FUT8: variants seen among roughly 807,000 people sequenced by gnomAD.
FUT8 encodes the protein fucosyltransferase 8.
Under a neutral mutation model 71.3 loss-of-function variants are expected in FUT8, and 29 were observed. That is an observed-to-expected ratio of 0.41 (90% CI 0.30 to 0.55). The LOEUF (loss-of-function observed/expected upper bound fraction) is 0.55, where lower values mean the gene tolerates loss of function less well. FUT8 is among the 20% of genes least tolerant of loss of function. FUT8 has a pLI of 0.34. For synonymous variants in FUT8, 254 were observed against 239.3 expected (o/e 1.06, Z -0.57); for missense variants, 544 against 702.1 (o/e 0.77, Z 2.55).
chr14:65,525,188 G>C (rs1384297923), intron 2 of FUT8, among the ~76,000 whole-genome samples: 1 of 151,592 alleles, frequency 6.6e-6, no homozygotes, highest in Non-Finnish European at 1.5e-5. Flanking sequence ...GAATCCGTCT[G>C]GTCCTGGACT....
chr14:65,464,258 G>GTTTTTT (rs1566763367), intron 2 of FUT8, among the ~76,000 whole-genome samples: 2 of 80,968 alleles, frequency 2.5e-5, no homozygotes, highest in African/African-American at 8.3e-5. Context: ...CAGTACTTTG[G>GTTTTTT]GTTTTTTTTT....
chr14:65,371,537 A>C, the FUT8 span, among the ~76,000 whole-genome samples: 5 of 152,258 alleles, frequency 3.3e-5, no homozygotes, highest in Non-Finnish European at 5.9e-5. Context: ...CAGTTATTTC[A>C]TAATAAATAA....
At chr14:65,386,698 ATTAAT>A in the FUT8 span, among the ~76,000 whole-genome samples, 1 of 151,482 alleles carries the variant, frequency 6.6e-6, no homozygotes, top group Non-Finnish European at 1.5e-5. Flanking sequence ...GTTTCTATTG[ATTAAT>A]TTATTTTTTT....
At chr14:65,471,838 A>G (rs1408148022) in intron 2 of FUT8, among the ~76,000 whole-genome samples, 2 of 151,768 alleles carry the variant, frequency 1.3e-5, no homozygotes, top group East Asian at 1.9e-4. Flanking sequence ...TTTTTTGACC[A>G]TTTTTGATGC....
intron 2 of FUT8, among the ~76,000 whole-genome samples, chr14:65,481,795 A>G (rs949164303): frequency 3.9e-5 from 6 of 151,954 alleles, no homozygotes; most frequent in African/African-American, 1.2e-4. Context: ...CTGTTCAAAT[A>G]TTTTGGCCAT....
At chr14:65,541,927 A>G (rs1481194512) in intron 2 of FUT8, among the ~76,000 whole-genome samples, 3 of 152,182 alleles carry the variant, frequency 2.0e-5, no homozygotes, top group African/African-American at 7.2e-5. Context: ...GCAATTCTTA[A>G]AGCCAGCATG....
chr14:65,503,803 G>A (rs1443372293), intron 2 of FUT8, among the ~76,000 whole-genome samples: 2 of 152,220 alleles, frequency 1.3e-5, no homozygotes, highest in Non-Finnish European at 2.9e-5. Context: ...TAGCTGGGGT[G>A]AGAGAGTTAA....
intron 1 of FUT8, among the ~76,000 whole-genome samples, chr14:65,443,149 G>A (rs1311127278): frequency 3.3e-5 from 5 of 151,734 alleles, no homozygotes; most frequent in East Asian, 1.9e-4. Flanking sequence ...GGTGGCTCAC[G>A]CCTGTAATCC....
At chr14:65,365,655 G>T in the FUT8 span, among the ~76,000 whole-genome samples, 1 of 152,024 alleles carries the variant, frequency 6.6e-6, no homozygotes, top group African/African-American at 2.4e-5. Context: ...TCCCACCAGC[G>T]CCATGACAGT....
intron 1 of FUT8, among the ~76,000 whole-genome samples, chr14:65,452,849 G>A (rs2065847393): frequency 6.6e-6 from 1 of 152,180 alleles, no homozygotes; most frequent in African/African-American, 2.4e-5. Flanking sequence ...ATTTCTAGAT[G>A]TTCAACTTGG....
At chr14:65,740,170 A>G (rs1418481065) in intron 10 of FUT8, among the ~76,000 whole-genome samples, 1 of 152,010 alleles carries the variant, frequency 6.6e-6, no homozygotes, top group Non-Finnish European at 1.5e-5. Context: ...TCAATTGTAA[A>G]ATGACATTGC....
At chr14:65,486,127 A>G (rs1303603962) in intron 2 of FUT8, among the ~76,000 whole-genome samples, 1 of 152,110 alleles carries the variant, frequency 6.6e-6, no homozygotes. Context: ...GAAAATTACA[A>G]TTTCTTTATG....
intron 1 of FUT8, among the ~76,000 whole-genome samples, chr14:65,442,518 A>AATAC (rs142250322): frequency 0.36 from 53,657 of 148,720 alleles, 11,132 homozygotes; most frequent in Non-Finnish European, 0.47. Flanking sequence ...GACCATCATA[A>AATAC]ATACATACAT....
At chr14:65,507,969 T>C (rs1424716690) in intron 2 of FUT8, among the ~76,000 whole-genome samples, 2 of 152,218 alleles carry the variant, frequency 1.3e-5, no homozygotes, top group African/African-American at 4.8e-5. Flanking sequence ...GCATTGATTA[T>C]TGCTTGTCTT....
At chr14:65,464,612 A>T (rs2066015327) in intron 2 of FUT8, among the ~76,000 whole-genome samples, 1 of 152,124 alleles carries the variant, frequency 6.6e-6, no homozygotes, top group East Asian at 1.9e-4. Context: ...ATCTATTGAT[A>T]TGATCTGATT....
At chr14:65,522,716 TC>T (rs1488661763) in intron 2 of FUT8, among the ~76,000 whole-genome samples, 2 of 109,634 alleles carry the variant, frequency 1.8e-5, no homozygotes, top group African/African-American at 3.4e-5. Context: ...ATGCTATCCC[TC>T]CCCCCTCCCC....
At chr14:65,438,085 A>G (rs997936295) in intron 1 of FUT8, among the ~76,000 whole-genome samples, 2 of 152,160 alleles carry the variant, frequency 1.3e-5, no homozygotes, top group Non-Finnish European at 2.9e-5. Flanking sequence ...GAGAGAGGGG[A>G]TAAGAAGTTG....
At chr14:65,639,355 T>A (rs1394703849) in intron 6 of FUT8, among the ~76,000 whole-genome samples, 2 of 152,158 alleles carry the variant, frequency 1.3e-5, no homozygotes, top group Non-Finnish European at 2.9e-5. Context: ...ATTGAATAGT[T>A]CATTGGTGCA....
At chr14:65,600,496 A>C (rs1245510780) in intron 3 of FUT8, among the ~76,000 whole-genome samples, 1 of 152,224 alleles carries the variant, frequency 6.6e-6, no homozygotes, top group Non-Finnish European at 1.5e-5. Context: ...GCTTACATTA[A>C]ATAAGTGGTT....
Sources: allele counts gnomAD v4.1 joint callset (sites outside exome capture counted in the v4.1 genomes callset), GRCh38; gene constraint gnomAD v4.1.1; transcripts MANE v1.5; gene names NCBI Gene and HGNC (gene_info 2026-07-23, HGNC 2026-07-21).